OVCH1: variants seen among roughly 807,000 people sequenced by gnomAD.
OVCH1 encodes ovochymase 1.
OVCH1 carries 139 observed loss-of-function variants against 138.4 expected under a neutral mutation model. The observed-to-expected ratio is 1.00, with a 90% confidence interval of 0.87 to 1.16. The LOEUF (loss-of-function observed/expected upper bound fraction) is 1.16. OVCH1 is among the 50% of genes most tolerant of loss of function. The pLI is 0.00. For synonymous variants in OVCH1, 453 were observed against 467.8 expected, an observed-to-expected ratio of 0.97 and a Z score of 0.41; for missense variants, 1,367 against 1,357.9, an observed-to-expected ratio of 1.01 and a Z score of -0.11.
At position 29,461,783 on chromosome 12, in the gene OVCH1, C is replaced by G. The variant is rs1942141972; in HGVS notation, c.2280+71G>C. 1.9e-6 allele frequency: 3 copies of G among 1,582,762 alleles called. No individual in the cohort carries two copies. The African/African-American group carries it at 4.0e-5, about 21-fold the overall frequency. On this transcript the variant is annotated intron_variant, in intron 19 of 27. Coordinates refer to ENST00000318184, the Ensembl canonical transcript of OVCH1. ...AAGTTGGTGATTTCAGCAATGGTTT[C>G]TCCTGTCTATAGAAACTCTTCAGCA...
chr12:29,491,425 C>T (rs139084607), intron 4 of OVCH1, among the ~76,000 whole-genome samples: 41 of 152,296 alleles, frequency 2.7e-4, no homozygotes, highest in Admixed American at 1.5e-3. Context: ...CCGCACACCA[C>T]GAGCCCCCTA....
rs1355635320 is a variant in OVCH1, at chr12:29,477,474, C to T, written c.1114-1G>A. On this transcript the variant is annotated splice_acceptor_variant, in intron 10 of 27. Coordinates refer to ENST00000318184, the Ensembl canonical transcript of OVCH1. LOFTEE classifies it high-confidence loss of function. ...GTGAAGGCAATATTTTTCCACAGACCTTACCTTAAAAGAAGAGAAGGAAAG... is the reference window on the plus strand; with the variant it reads ...GTGAAGGCAATATTTTTCCACAGACTTTACCTTAAAAGAAGAGAAGGAAAG... 1.9e-6 allele frequency: 3 copies of T among 1,613,940 alleles called. 1 individual carries two copies. In the Admixed American group the frequency reaches 5.0e-5, roughly 27 times the overall value.
chr12:29,411,493 C>T (rs1475064917), downstream of OVCH1, among the ~76,000 whole-genome samples: 2 of 151,938 alleles, frequency 1.3e-5, no homozygotes, highest in Non-Finnish European at 2.9e-5. Flanking sequence ...TGTGGATGTC[C>T]TTTCCGTTTG....
chr12:29,417,440 G>T (rs1474646930), intron 3 of OVCH1, among the ~76,000 whole-genome samples: 1 of 127,156 alleles, frequency 7.9e-6, no homozygotes, highest in Non-Finnish European at 1.6e-5. Context: ...TCCAGCCTGG[G>T]TGACAGAAAC....
intron 16 of OVCH1, among the ~76,000 whole-genome samples, chr12:29,467,911 T>G (rs1942374262): frequency 6.6e-6 from 1 of 152,160 alleles, no homozygotes; most frequent in Non-Finnish European, 1.5e-5. Flanking sequence ...GCAGGGCACG[T>G]GTAGGACATA....
intron 19 of OVCH1, among the ~76,000 whole-genome samples, chr12:29,456,976 G>A (rs1941969829): frequency 6.6e-6 from 1 of 152,110 alleles, no homozygotes; most frequent in Non-Finnish European, 1.5e-5. Context: ...TTGTCTTCTT[G>A]TAAGATAAAT....
Position 29,439,840 on chromosome 12 carries a change from G to A in OVCH1, c.3158-406C>T, listed in dbSNP as rs1486369461. 6.6e-6 allele frequency among the ~76,000 whole-genome samples: 1 copy of A among 151,876 alleles called. No homozygotes were observed. Among genetic ancestry groups the A allele is most frequent in the Non-Finnish European group, 1.5e-5 (1 of 67,956 alleles). On this transcript the variant is annotated intron_variant, in intron 25 of 27. Transcript: ENST00000318184. ...TACTAAAACAACTCACAAAATTCAGGGAAACACTTTACTTGTGTTTACCTA... is the reference window on the plus strand; with the variant it reads ...TACTAAAACAACTCACAAAATTCAGAGAAACACTTTACTTGTGTTTACCTA...
At chr12:29,412,267 G>T (rs1206770735), downstream of OVCH1, among the ~76,000 whole-genome samples, 1 of 152,098 alleles carries the variant, frequency 6.6e-6, no homozygotes, top group East Asian at 1.9e-4. Context: ...CCCGAGTGAG[G>T]CAATGCCTCA....
rs1942753414 is a variant in OVCH1, at chr12:29,476,901, C to G, written c.1377+201G>C. Among the ~76,000 whole-genome samples the G allele has an allele frequency of 2.0e-5, 3 of 151,880 alleles. No individual in the cohort carries two copies. The South Asian group carries it at 6.2e-4, about 31-fold the overall frequency. ...AATGGGAATCTGATGAGGAGCCTTA[C>G]TTTTCATTGGATACACTTTTAAACC... On this transcript the variant is annotated intron_variant, in intron 12 of 27. Coordinates refer to ENST00000318184, the Ensembl canonical transcript of OVCH1.
chr12:29,486,949 GA>G (rs1254903643), intron 7 of OVCH1: 1 of 455,736 alleles, frequency 2.2e-6, no homozygotes, highest in Non-Finnish European at 4.4e-6. Flanking sequence ...GAGCAGTGAA[GA>G]GGCCTTTTAC....
At chr12:29,408,223 T>A (rs1250143277), downstream of OVCH1, among the ~76,000 whole-genome samples, 3 of 126,762 alleles carry the variant, frequency 2.4e-5, 1 homozygote, top group Admixed American at 2.4e-4. Flanking sequence ...ACAATGGGGT[T>A]TTCTAGATAT....
rs143435244 is a variant in OVCH1 at position 29,449,049 on chromosome 12, C to T, written c.2755+2296G>A. ...TTGAACAAAAAGAGGTTTCTCTGTA[C>T]ATGAAATTAAAAATGAGGGCTGGCA... On this transcript the variant is annotated intron_variant, in intron 22 of 27. Transcript: ENST00000318184. 9.0e-3 allele frequency among the ~76,000 whole-genome samples: 1,368 copies of T among 152,254 alleles called. 17 individuals carry two copies. Among genetic ancestry groups the T allele is most frequent in the African/African-American group, 0.031 (1,299 of 41,538 alleles).
At chr12:29,432,189 C>G (rs1486970000) in intron 27 of OVCH1, among the ~76,000 whole-genome samples, 1 of 152,032 alleles carries the variant, frequency 6.6e-6, no homozygotes, top group Admixed American at 6.6e-5. Context: ...CTTGTAGGCA[C>G]TATAAGGACT....
At chr12:29,416,601 C>A (rs529211594) in intron 3 of OVCH1, among the ~76,000 whole-genome samples, 1 of 152,130 alleles carries the variant, frequency 6.6e-6, no homozygotes, top group Non-Finnish European at 1.5e-5. Context: ...GATATCACTA[C>A]CACTACACAC....
the OVCH1 span, among the ~76,000 whole-genome samples, chr12:29,404,037 A>G: frequency 2.0e-5 from 3 of 152,072 alleles, no homozygotes; most frequent in Non-Finnish European, 4.4e-5. Flanking sequence ...ACCAACACCA[A>G]CCTCTGCAAT....
At chr12:29,417,418 G>A (rs1051087975) in intron 3 of OVCH1, among the ~76,000 whole-genome samples, 4 of 132,174 alleles carry the variant, frequency 3.0e-5, no homozygotes, top group Admixed American at 1.8e-4. Context: ...AGCCAAGATT[G>A]TGCCACTGCA....
chr12:29,468,638 T>C (rs1449188266), intron 16 of OVCH1, among the ~76,000 whole-genome samples: 2 of 152,198 alleles, frequency 1.3e-5, no homozygotes, highest in Non-Finnish European at 2.9e-5. Context: ...TTTTCCATGG[T>C]ACGTTCAATG....
At chr12:29,475,267 T>C in intron 13 of OVCH1, 78 bp from the exon 14 acceptor site, 2 of 1,187,872 alleles carry the variant, frequency 1.7e-6, no homozygotes, top group Non-Finnish European at 2.2e-6. Context: ...AATCACCCAA[T>C]TTTCTAATCA....
intron 26 of OVCH1, among the ~76,000 whole-genome samples, chr12:29,435,638 G>C (rs766157702): frequency 6.6e-6 from 1 of 152,156 alleles, no homozygotes; most frequent in Non-Finnish European, 1.5e-5. Flanking sequence ...ACAGGCATGA[G>C]CTACCGCACC....
Sources: allele counts gnomAD v4.1 joint callset (sites outside exome capture counted in the v4.1 genomes callset), GRCh38; gene constraint gnomAD v4.1.1; transcripts MANE v1.5; gene names NCBI Gene and HGNC (gene_info 2026-07-23, HGNC 2026-07-21).